The following UCKL1 variants were observed in gnomAD, a reference collection of about 807,000 sequenced individuals.
UCKL1 encodes uridine-cytidine kinase 1 like 1.
Under a neutral mutation model 59.2 loss-of-function variants are expected in UCKL1, and 65 were observed. The observed-to-expected ratio is 1.10, with a 90% CI of 0.90 to 1.35. UCKL1 has a LOEUF of 1.35. Ranked by LOEUF, UCKL1 falls within the 40% of genes most tolerant of loss-of-function variation. The pLI is 0.00. For missense variants in UCKL1, 703 were observed against 784.3 expected, an observed-to-expected ratio of 0.90 and a Z score of 1.24; for synonymous variants, 410 against 323.1, an observed-to-expected ratio of 1.27 and a Z score of -2.88.
rs769354976 is a variant in UCKL1 at position 63,956,270 on chromosome 20, A to G, written c.103T>C (p.Cys35Arg). ...GRQAEKSETA[C>R]EDRSNAESLD... ...GAGGCCCACGCCTACCGGTCCTCGC[A>G]CGCGGTCTCGCTTTTCTCAGCCTGC... Residue 35 changes from cysteine to arginine, a missense_variant, in exon 1 of 15, where the codon TGC becomes CGC. Physicochemically the swap from Cys to Arg is radical, Grantham distance 180. Around this residue, in one of 4 missense-constraint regions of UCKL1, gnomAD observed 398 missense variants for 373.0 expected, o/e 1.07. Transcript: ENST00000354216. 1.9e-6 allele frequency: 3 copies of G among 1,548,538 alleles called. No individual in the cohort carries two copies. The highest frequency in any genetic ancestry group is 2.6e-6 in the Non-Finnish European group (3 of 1,151,942).
intron 1 of UCKL1, among the ~76,000 whole-genome samples, chr20:63,948,911 C>A (rs951656830): frequency 6.6e-6 from 1 of 152,062 alleles, no homozygotes; most frequent in Admixed American, 6.5e-5. Flanking sequence ...CCTGGGCACT[C>A]CTCCCCGTGC....
chr20:63,941,033 T>C lies in UCKL1; in HGVS notation c.1033A>G (p.Thr345Ala). ...TAGAAGATGAACTCGTCGCGACTGGTCTCCTTGTCCCTGTGGGGCCAACAG... is the reference window on the plus strand; with the variant it reads ...TAGAAGATGAACTCGTCGCGACTGGCCTCCTTGTCCCTGTGGGGCCAACAG... ...GMHTIIRDKE[T>A]SRDEFIFYSK... The change falls in exon 10 of 15, where the codon ACC becomes GCC. Residue 345 changes from threonine to alanine, a missense_variant. By Grantham distance (58) the Thr-to-Ala change is moderately conservative. This residue lies in a region of UCKL1 where 156 missense variants were observed against 185.6 expected (regional missense o/e 0.84). Coordinates refer to ENST00000354216, the MANE Select transcript of UCKL1 (RefSeq NM_017859.4). The C allele has an allele frequency of 6.4e-7, 1 of 1,572,386 alleles. No individual in the cohort carries two copies. Among genetic ancestry groups the C allele is most frequent in the Non-Finnish European group, 8.6e-7 (1 of 1,161,546 alleles).
Position 63,945,980 on chromosome 20 carries a change from T to TG in UCKL1, c.412-6dup, listed in dbSNP as rs1420262886. 1 of 1,613,616 alleles carries TG rather than the reference T, an allele frequency of 6.2e-7. No homozygotes were observed. Among genetic ancestry groups the TG allele is most frequent in the Non-Finnish European group, 8.5e-7 (1 of 1,179,940 alleles). The stretch of plus-strand genomic sequence containing the variant: ...CTGCTGCTGCTCAGTCAGCACCTGG[T>TG]GGGGGAGGCTGTGGAGCAGCTGTGG... On this transcript the variant is annotated splice_region_variant and splice_polypyrimidine_tract_variant and intron_variant, in intron 3 of 14. Transcript: ENST00000354216.
intron 1 of UCKL1, among the ~76,000 whole-genome samples, chr20:63,947,305 A>G (rs1304386137): frequency 3.3e-5 from 5 of 152,234 alleles, no homozygotes; most frequent in Non-Finnish European, 1.5e-5. Context: ...AGGGGACTCA[A>G]GGTGGGCCTG....
At chr20:63,954,921 T>A (rs898274873) in intron 1 of UCKL1, 1 of 152,272 alleles carries the variant, frequency 6.6e-6, no homozygotes, top group Non-Finnish European at 1.5e-5. Flanking sequence ...TCAGTGCTTA[T>A]CTAGCGTTGG....
At chr20:63,942,736 AGAC>A (rs1162529999) in intron 8 of UCKL1, 1 of 481,254 alleles carries the variant, frequency 2.1e-6, no homozygotes, top group Non-Finnish European at 4.3e-6. Flanking sequence ...TTGGCTGACC[AGAC>A]GACGGAAAAT....
At chr20:63,945,491 A>G (rs2055918983) in intron 5 of UCKL1, among the ~76,000 whole-genome samples, 160 bp downstream of exon 5, 1 of 152,320 alleles carries the variant, frequency 6.6e-6, no homozygotes, top group South Asian at 2.1e-4. Context: ...AGATGGACCC[A>G]GCTGTGGCAT....
chr20:63,944,294 G>T, intron 7 of UCKL1, 103 bp downstream of exon 7: 2 of 1,178,708 alleles, frequency 1.7e-6, no homozygotes, highest in South Asian at 1.5e-5. Flanking sequence ...AGGGGACAGT[G>T]AACGCAGGGG....
intron 1 of UCKL1, among the ~76,000 whole-genome samples, chr20:63,946,964 A>G (rs917296260): frequency 3.3e-5 from 5 of 151,972 alleles, no homozygotes; most frequent in Admixed American, 6.5e-5. Context: ...GGTGCCTGTA[A>G]TCCCAGCTAC....
Position 63,944,574 on chromosome 20 carries a change from A to T in UCKL1, c.815T>A (p.Met272Lys), listed in dbSNP as rs773465395. The T allele has an allele frequency of 6.2e-7, 1 of 1,612,502 alleles. No homozygotes were observed. Among genetic ancestry groups the T allele is most frequent in the Non-Finnish European group, 8.5e-7 (1 of 1,179,678 alleles). Residue 272 changes from methionine to lysine, a missense_variant, in exon 6 of 15, where the codon ATG (methionine) becomes AAG (lysine). Transcript: ENST00000354216. ...GGGGACCACGATGTCTGCCAGGCGCATGGTGGGCTGGATGTACTGGTCGAA... is the reference window on the plus strand; with the variant it reads ...GGGGACCACGATGTCTGCCAGGCGCTTGGTGGGCTGGATGTACTGGTCGAA... ...PSFDQYIQPT[M>K]RLADIVVPRG...
rs1041822336 is a variant in UCKL1 at position 63,943,238 on chromosome 20, G to A, written c.923+415C>T. ...CGCGAGGCCCTCCACCTGCAACCAG[G>A]GAAAGCTGACTGGTCCGTGAGGCTG... is the stretch of plus-strand genomic sequence containing the variant. On this transcript the variant is annotated intron_variant, in intron 8 of 14. Coordinates refer to ENST00000354216, the MANE Select transcript of UCKL1 (RefSeq NM_017859.4). Among the ~76,000 whole-genome samples the A allele has an allele frequency of 2.0e-5, 3 of 152,226 alleles. No individual in the cohort carries two copies. The East Asian group carries it at 5.8e-4, about 29-fold the overall frequency.
At chr20:63,949,139 A>G (rs1423910637) in intron 1 of UCKL1, among the ~76,000 whole-genome samples, 2 of 152,162 alleles carry the variant, frequency 1.3e-5, no homozygotes, top group African/African-American at 4.8e-5. Context: ...CCATGCCACC[A>G]TCAGGGGAGT....
Position 63,946,250 on chromosome 20 carries a change from C to T in UCKL1, c.322G>A (p.Ala108Thr), listed in dbSNP as rs771348122. The T allele has an allele frequency of 3.1e-6, 5 of 1,599,074 alleles. No individual in the cohort carries two copies. Among genetic ancestry groups the T allele is most frequent in the East Asian group, 2.3e-5 (1 of 43,790 alleles). Residue 108 changes from alanine to threonine, a missense_variant, in exon 3 of 15, where the codon GCC (alanine) becomes ACC (threonine). This residue lies in a region of UCKL1 where 398 missense variants were observed against 373.0 expected (regional missense o/e 1.07). Transcript: ENST00000354216. ...CTGGCCACAGTGGTCTTCCCAGAGG[C>T]ACTGCCGCCTCCCAAGCCTGCCGGC... ...AFAIGLGGGS[A>T]SGKTTVARMI...
chr20:63,945,395 A>G lies in UCKL1; in HGVS notation c.654+256T>C, dbSNP rs948256226. On this transcript the variant is annotated intron_variant, in intron 5 of 14. Transcript: ENST00000354216. Reference sequence around the variant, plus strand: ...ACCACGGCAAGGGACGAGAACGCCAAGGACACTCCAGGTATGCGCACAGGC... The same window carrying G: ...ACCACGGCAAGGGACGAGAACGCCAGGGACACTCCAGGTATGCGCACAGGC... Among the ~76,000 whole-genome samples the G allele has an allele frequency of 4.6e-5, 7 of 152,234 alleles. No homozygotes were observed. In the South Asian group the frequency reaches 1.4e-3, roughly 32 times the overall value.
chr20:63,940,328 T>G (rs1326882646), intron 13 of UCKL1, 22 bp from the exon 14 acceptor site: 1 of 1,612,046 alleles, frequency 6.2e-7, no homozygotes, highest in Non-Finnish European at 8.5e-7. Flanking sequence ...ATTGGGCAGG[T>G]AAATCCCACC....
chr20:63,947,164 A>G (rs1015034770), intron 1 of UCKL1, among the ~76,000 whole-genome samples: 38 of 152,190 alleles, frequency 2.5e-4, no homozygotes, highest in African/African-American at 8.4e-4. Context: ...AGGGCCTCAG[A>G]TCATCACTGT....
intron 8 of UCKL1, among the ~76,000 whole-genome samples, chr20:63,942,019 T>A (rs1414833640): frequency 7.6e-5 from 4 of 52,642 alleles, no homozygotes; most frequent in African/African-American, 2.4e-4. Context: ...GGGCCGGGAA[T>A]GGGGTGTGGC....
intron 1 of UCKL1, among the ~76,000 whole-genome samples, chr20:63,947,577 C>T (rs903382581): frequency 6.6e-6 from 1 of 152,238 alleles, no homozygotes. Context: ...AGGCCCAGCA[C>T]AGTGCCTCGG....
Position 63,945,687 on chromosome 20 carries a change from C to G in UCKL1, c.618G>C (p.Glu206Asp), listed in dbSNP as rs781568093. Residue 206 changes from glutamate (E) to aspartate (D), a missense_variant, in exon 5 of 15, where the codon GAG becomes GAC. This residue lies in a region of UCKL1 where 398 missense variants were observed against 373.0 expected (regional missense o/e 1.07). Transcript: ENST00000354216. ...TCTTGTCAGCAAAGGCCATGATGCC[C>G]TCAAAGATGATGACGTTTGCACCAT... is the stretch of plus-strand genomic sequence containing the variant. ...TLYGANVIIF[E>D]GIMAFADKTL... The G allele has an allele frequency of 1.2e-6, 2 of 1,613,022 alleles. No individual in the cohort carries two copies. The highest frequency in any genetic ancestry group is 2.7e-5 in the African/African-American group (2 of 74,926).
Sources: allele counts gnomAD v4.1 joint callset (sites outside exome capture counted in the v4.1 genomes callset), GRCh38; gene constraint gnomAD v4.1.1; regional missense constraint gnomAD v4.1.1; transcripts MANE v1.5; gene names NCBI Gene and HGNC (gene_info 2026-07-23, HGNC 2026-07-21).